NBPF12: variants seen among roughly 807,000 people sequenced by gnomAD.
NBPF12 encodes NBPF family member NBPF12.
Under a neutral mutation model 146.4 loss-of-function variants are expected in NBPF12, and 115 were observed. The observed-to-expected ratio is 0.79, with a 90% CI of 0.68 to 0.92. The LOEUF (loss-of-function observed/expected upper bound fraction) is 0.92. NBPF12 is among the 40% of genes least tolerant of loss of function. NBPF12 has a pLI of 0.00. For missense variants in NBPF12, 1,205 were observed against 1,326.8 expected (o/e 0.91, Z 1.43); for synonymous variants, 385 against 508.9 (o/e 0.76, Z 3.28).
At chr1:146,952,576 C>T (rs1321340567) in intron 2 of NBPF12, among the ~76,000 whole-genome samples, 5 of 149,850 alleles carry the variant, frequency 3.3e-5, no homozygotes, top group African/African-American at 1.2e-4. Context: ...TGAATATGAG[C>T]ACAGACTTGG....
chr1:146,972,970 A>C lies in NBPF12; in HGVS notation c.1801+10A>C. 6.6e-6 allele frequency: 6 copies of C among 910,312 alleles called. No individual in the cohort carries two copies. Among genetic ancestry groups the C allele is most frequent in the Non-Finnish European group, 1.1e-5 (6 of 539,064 alleles). 56.4% of individuals were successfully genotyped at this position (910,312 alleles called of 1,614,324 possible). ...CAGCAGAACAAATACAGTAAGATCT[A>C]TATGCTCACCATCATGAAAGTGATG... On this transcript the variant is annotated intron_variant, in intron 14 of 33. Coordinates refer to ENST00000617844, the Ensembl canonical transcript of NBPF12.
chr1:146,960,768 A>G (rs1198844606), intron 4 of NBPF12, among the ~76,000 whole-genome samples: 1 of 151,994 alleles, frequency 6.6e-6, no homozygotes, highest in Admixed American at 6.5e-5. Context: ...GAACTTGGTG[A>G]TAGTACCCAG....
In NBPF12 at chr1:146,939,265, T is replaced by C. The variant is rs2101800728; in HGVS notation, c.-822+283T>C. Among the ~76,000 whole-genome samples the C allele has an allele frequency of 2.0e-5, 3 of 152,142 alleles. 1 individual carries two copies. In the South Asian group the frequency reaches 6.2e-4, roughly 32 times the overall value. The stretch of plus-strand genomic sequence containing the variant: ...CCAGGGGGTGGAGGGACGGAGCAGC[T>C]TCGGGGGCACGTCTTCGGAAGTCCT... On this transcript the variant is annotated intron_variant, in intron 1 of 35. Transcript: ENST00000617931.
chr1:146,966,699 G>C (rs1233269242), intron 9 of NBPF12, 26 bp downstream of exon 12: 23 of 1,172,816 alleles, frequency 2.0e-5, no homozygotes, highest in Non-Finnish European at 2.8e-5. Context: ...TCACCATCAC[G>C]AAAGTGATGA....
chr1:146,946,615 T>C (rs1369786085), upstream of NBPF12, among the ~76,000 whole-genome samples: 1 of 147,572 alleles, frequency 6.8e-6, no homozygotes. Flanking sequence ...TTTGTAAGTA[T>C]TTTCTCCCAG....
chr1:146,994,645 A>G (rs1213296958), exon 34 of NBPF12: 3 of 1,579,518 alleles, frequency 1.9e-6, no homozygotes, highest in Non-Finnish European at 2.6e-6. Flanking sequence ...GATTTGAATG[A>G]AACTATAGTT....
At chr1:146,962,365 G>C (rs1342611556) in intron 5 of NBPF12, 102 bp downstream of exon 8, 4 of 971,690 alleles carry the variant, frequency 4.1e-6, no homozygotes, top group Non-Finnish European at 4.9e-6. Flanking sequence ...GCCAGGGAAA[G>C]GGCAGAAATT....
chr1:146,968,871 C>T (rs1286806829), intron 10 of NBPF12, among the ~76,000 whole-genome samples: 24 of 151,362 alleles, frequency 1.6e-4, no homozygotes, highest in African/African-American at 2.2e-4. Flanking sequence ...GCCATCACGA[C>T]CCCACTTACC....
chr1:146,972,474 A>G lies in NBPF12; in HGVS notation c.1592-277A>G, dbSNP rs1388988678. ...TTTGTGCTACACAGAAACATTGGCC[A>G]CTCATGGGGTAAAAATCTCAGGGCC... On this transcript the variant is annotated intron_variant, in intron 13 of 33. Transcript: ENST00000617844. 7.6e-4 allele frequency among the ~76,000 whole-genome samples: 115 copies of G among 151,528 alleles called. 1 individual carries two copies. Among genetic ancestry groups the G allele is most frequent in the African/African-American group, 2.7e-3 (109 of 40,936 alleles).
chr1:146,960,962 A>G (rs1655810506), intron 4 of NBPF12, among the ~76,000 whole-genome samples: 2 of 152,228 alleles, frequency 1.3e-5, no homozygotes, highest in African/African-American at 2.4e-5. Flanking sequence ...CCTGGGCAAC[A>G]TGGAGAAACC....
intron 8 of NBPF12, among the ~76,000 whole-genome samples, chr1:146,965,667 C>G (rs1656144784): frequency 1.3e-5 from 2 of 149,598 alleles, no homozygotes; most frequent in Non-Finnish European, 1.5e-5. Flanking sequence ...TGGTGGGCAC[C>G]TGTAGTCCCA....
rs587690070 is a variant in NBPF12, at chr1:146,994,304, G to A, written c.4131-28G>A. On this transcript the variant is annotated intron_variant, in intron 33 of 33. Coordinates refer to ENST00000617844, the Ensembl canonical transcript of NBPF12. Reference sequence around the variant, plus strand: ...CTGTGGTGTCTGACTTTCCCTGGCTGCTTCTTTAGTTTTGTCTCCTTTTCC... The same window carrying A: ...CTGTGGTGTCTGACTTTCCCTGGCTACTTCTTTAGTTTTGTCTCCTTTTCC... 37 of 1,611,288 alleles carry A rather than the reference G, an allele frequency of 2.3e-5. No homozygotes were observed. In the Middle Eastern group the frequency reaches 9.0e-4, roughly 39 times the overall value.
intron 2 of NBPF12, among the ~76,000 whole-genome samples, chr1:146,956,675 TAAAG>T (rs1287659582): frequency 2.6e-5 from 4 of 151,042 alleles, no homozygotes; most frequent in Non-Finnish European, 4.4e-5. Flanking sequence ...TGAGAAAAAT[TAAAG>T]AAGGCTAAAT....
chr1:146,964,414 A>G, exon 7 of NBPF12: 3 of 1,601,680 alleles, frequency 1.9e-6, no homozygotes, highest in Non-Finnish European at 2.6e-6. Flanking sequence ...AAAGTACTGG[A>G]ATCATCTGCC....
At chr1:146,973,674 C>T (rs1441022166) in intron 14 of NBPF12, among the ~76,000 whole-genome samples, 23 of 148,326 alleles carry the variant, frequency 1.6e-4, no homozygotes, top group African/African-American at 5.6e-4. Flanking sequence ...TGTAATCACC[C>T]CTGCTCAGGA....
chr1:146,965,172 C>T, intron 8 of NBPF12, 68 bp downstream of exon 11: 3 of 891,950 alleles, frequency 3.4e-6, no homozygotes, highest in Non-Finnish European at 5.7e-6. Context: ...TGAGGACAGG[C>T]TGTATATACA....
intron 21 of NBPF12, among the ~76,000 whole-genome samples, 199 bp downstream of exon 24, chr1:146,984,384 T>C (rs1452702497): frequency 6.7e-6 from 1 of 149,782 alleles, no homozygotes; most frequent in African/African-American, 2.5e-5. Context: ...TTTACTAACC[T>C]AGTGAAGGTT....
chr1:146,982,743 C>G (rs1462749319), intron 19 of NBPF12, among the ~76,000 whole-genome samples, 185 bp from the exon 23 acceptor site: 64 of 151,434 alleles, frequency 4.2e-4, no homozygotes, highest in Non-Finnish European at 7.4e-4. Context: ...CATTTTTGCT[C>G]TGTCCCCAGA....
At chr1:146,976,205 A>G (rs1329719450) in intron 16 of NBPF12, among the ~76,000 whole-genome samples, 14 of 151,756 alleles carry the variant, frequency 9.2e-5, no homozygotes, top group South Asian at 2.1e-4. Flanking sequence ...AGAGCTCTGG[A>G]CTAAGAATGA....
Sources: gnomAD v4.1 joint callset for allele counts (sites outside exome capture counted in the v4.1 genomes callset) on GRCh38, gnomAD v4.1.1 for gene constraint, MANE v1.5 for transcripts, NCBI Gene and HGNC (gene_info 2026-07-23, HGNC 2026-07-21) for gene names.